The following TTC7B variants were observed in gnomAD, a reference collection of about 807,000 sequenced individuals.
TTC7B encodes the protein tetratricopeptide repeat protein 7B.
A neutral mutation model predicts 106.8 loss-of-function variants in TTC7B; 28 were observed. The ratio of observed to expected loss-of-function variants is 0.26; its 90% CI spans 0.19 to 0.36. TTC7B has a LOEUF of 0.36. Ranked by LOEUF, TTC7B falls within the 10% of genes least tolerant of loss-of-function variation. The pLI, the probability that TTC7B is intolerant of heterozygous loss-of-function variation, is 1.00. For missense variants in TTC7B, 862 were observed against 1,076.4 expected, an observed-to-expected ratio of 0.80 and a Z score of 2.79; for synonymous variants, 405 against 430.6, an observed-to-expected ratio of 0.94 and a Z score of 0.74.
At chr14:90,702,043 C>T (rs529107548) in intron 5 of TTC7B, among the ~76,000 whole-genome samples, 5 of 152,252 alleles carry the variant, frequency 3.3e-5, no homozygotes, top group Admixed American at 2.6e-4. Flanking sequence ...TTGTCCTTCA[C>T]CCGGGAATCC....
chr14:90,647,756 G>A (rs1175689190), intron 13 of TTC7B, among the ~76,000 whole-genome samples: 2 of 152,044 alleles, frequency 1.3e-5, no homozygotes, highest in East Asian at 3.9e-4. Flanking sequence ...TTGTATTTCA[G>A]CATAAGCAAC....
chr14:90,658,947 C>T lies in TTC7B; in HGVS notation c.1153-560G>A, dbSNP rs187857401. Among the ~76,000 whole-genome samples, 57 of 152,308 alleles carry T rather than the reference C, an allele frequency of 3.7e-4. No individual in the cohort carries two copies. In the East Asian group the frequency reaches 0.01, roughly 28 times the overall value. ...GTCCCTGCACAGAGTGACATGATGACGTTAGAGCTTTAGGAAGATCGTGGG... is the reference window on the plus strand; with the variant it reads ...GTCCCTGCACAGAGTGACATGATGATGTTAGAGCTTTAGGAAGATCGTGGG... On this transcript the variant is annotated intron_variant, in intron 9 of 19. Coordinates refer to ENST00000328459, the MANE Select transcript of TTC7B (RefSeq NM_001010854.2).
In TTC7B at chr14:90,786,228, C is replaced by G. The variant is rs1327452526; in HGVS notation, c.222G>C (p.Gln74His). The G allele has an allele frequency of 6.2e-7, 1 of 1,605,582 alleles. No individual in the cohort carries two copies. Among genetic ancestry groups the G allele is most frequent in the Non-Finnish European group, 8.5e-7 (1 of 1,176,516 alleles). ...QGASPRGPKP[Q>H]LTEVRKHLTA... ...TCAGATGCTTGCGGACCTCAGTCAG[C>G]TGGGGCTTGGGGCCTCGGGGACTGG... Residue 74 changes from glutamine to histidine, a missense_variant, in exon 2 of 20, where the codon CAG (glutamine) becomes CAC (histidine). Transcript: ENST00000328459.
At chr14:90,637,232 G>A (rs1295934100) in intron 15 of TTC7B, among the ~76,000 whole-genome samples, 1 of 151,544 alleles carries the variant, frequency 6.6e-6, no homozygotes, top group Non-Finnish European at 1.5e-5. Context: ...TAAACATTAT[G>A]AATTATCTTA....
At chr14:90,809,345 T>C (rs1389963751) in intron 1 of TTC7B, among the ~76,000 whole-genome samples, 4 of 152,260 alleles carry the variant, frequency 2.6e-5, no homozygotes, top group Admixed American at 1.3e-4. Flanking sequence ...TTCACATGCT[T>C]GCACTTCAGC....
intron 17 of TTC7B, among the ~76,000 whole-genome samples, chr14:90,596,890 C>A (rs1300679316): frequency 6.6e-6 from 1 of 152,070 alleles, no homozygotes; most frequent in Non-Finnish European, 1.5e-5. Context: ...CAGAAGAGGG[C>A]GGCCCCCTCT....
intron 15 of TTC7B, among the ~76,000 whole-genome samples, chr14:90,627,149 T>C (rs1030540780): frequency 6.6e-5 from 10 of 152,052 alleles, no homozygotes; most frequent in South Asian, 4.2e-4. Context: ...GACTGGCTAA[T>C]TAAAAAAAAT....
At chr14:90,758,471 G>A (rs1259190066) in intron 3 of TTC7B, among the ~76,000 whole-genome samples, 1 of 149,384 alleles carries the variant, frequency 6.7e-6, no homozygotes, top group East Asian at 2.0e-4. Flanking sequence ...TGGGCGGGGC[G>A]GGGCAGGGGG....
chr14:90,729,197 G>A (rs1239998658), intron 5 of TTC7B, among the ~76,000 whole-genome samples: 3 of 152,226 alleles, frequency 2.0e-5, no homozygotes, highest in Non-Finnish European at 2.9e-5. Context: ...GGAAATGGAC[G>A]CATGCGGCTC....
intron 5 of TTC7B, among the ~76,000 whole-genome samples, chr14:90,696,130 C>T (rs1887736375): frequency 6.6e-6 from 1 of 152,144 alleles, no homozygotes; most frequent in Admixed American, 6.6e-5. Context: ...GAAAAAGAAG[C>T]AAAGGGTCAG....
chr14:90,565,133 T>G (rs1566772650), intron 19 of TTC7B, among the ~76,000 whole-genome samples: 1 of 152,214 alleles, frequency 6.6e-6, no homozygotes, highest in Non-Finnish European at 1.5e-5. Context: ...TGAAGAGAGC[T>G]GGGAACTTGC....
intron 1 of TTC7B, among the ~76,000 whole-genome samples, chr14:90,791,758 C>T (rs1224923705): frequency 2.0e-5 from 3 of 152,046 alleles, no homozygotes; most frequent in Non-Finnish European, 4.4e-5. Flanking sequence ...AGCTGGAAGC[C>T]ACCTATTGAG....
At position 90,809,772 on chromosome 14, in the gene TTC7B, T is replaced by C. The variant is rs116185957; in HGVS notation, c.121+6403A>G. Among the ~76,000 whole-genome samples the C allele has an allele frequency of 1.3e-3, 198 of 152,326 alleles. 1 individual carries two copies. The highest frequency in any genetic ancestry group is 4.6e-3 in the African/African-American group (192 of 41,574). On this transcript the variant is annotated intron_variant, in intron 1 of 19. Transcript: ENST00000328459. The stretch of plus-strand genomic sequence containing the variant: ...ATGTCATGGGGCCAGAAAGGTAGAA[T>C]TGGCCCTCTAGAAGCTGACCATTTG...
intron 5 of TTC7B, among the ~76,000 whole-genome samples, chr14:90,696,788 A>C (rs1248486120): frequency 6.6e-6 from 1 of 152,226 alleles, no homozygotes; most frequent in Non-Finnish European, 1.5e-5. Context: ...TGATGGTGGC[A>C]TAAAAAGAGA....
At chr14:90,816,070 G>A in intron 1 of TTC7B, 105 bp downstream of exon 1, 1 of 977,820 alleles carries the variant, frequency 1.0e-6, no homozygotes, top group Non-Finnish European at 1.2e-6. Flanking sequence ...CTCGCGGCCC[G>A]GCCGCGCCCC....
At chr14:90,586,721 G>C (rs1387991740) in intron 18 of TTC7B, among the ~76,000 whole-genome samples, 1 of 152,172 alleles carries the variant, frequency 6.6e-6, no homozygotes, top group Non-Finnish European at 1.5e-5. Context: ...TTCCAGCCCA[G>C]TTCTGAAATG....
chr14:90,560,549 A>G (rs561098799), intron 19 of TTC7B, among the ~76,000 whole-genome samples: 1 of 152,382 alleles, frequency 6.6e-6, no homozygotes, highest in Admixed American at 6.5e-5. Context: ...GAAAGGAGAT[A>G]CATTTTCTTC....
chr14:90,588,349 G>T (rs1225068850), intron 18 of TTC7B, among the ~76,000 whole-genome samples: 2 of 152,220 alleles, frequency 1.3e-5, no homozygotes, highest in East Asian at 3.9e-4. Context: ...AACCATGAGA[G>T]GTGCCAAAGT....
intron 19 of TTC7B, among the ~76,000 whole-genome samples, chr14:90,574,418 CCTTGT>C (rs1488079789): frequency 6.6e-6 from 1 of 152,180 alleles, no homozygotes; most frequent in African/African-American, 2.4e-5. Flanking sequence ...TCTCTGCCTC[CCTTGT>C]CTTGTGCTAA....
Sources: gnomAD v4.1 joint callset for allele counts (sites outside exome capture counted in the v4.1 genomes callset) on GRCh38, gnomAD v4.1.1 for gene constraint, MANE v1.5 for transcripts, NCBI Gene and HGNC (gene_info 2026-07-23, HGNC 2026-07-21) for gene names.